Variants in TRIB1 observed in about 807,000 individuals in gnomAD.
TRIB1 encodes tribbles pseudokinase 1, also known as tribbles homolog 1.
TRIB1 carries 12 observed loss-of-function variants against 27.8 expected under a neutral mutation model. The ratio of observed to expected loss-of-function variants is 0.43; its 90% CI spans 0.28 to 0.70. TRIB1 has a LOEUF of 0.70. Ranked by LOEUF, TRIB1 falls within the 30% of genes least tolerant of loss-of-function variation. The pLI is 0.18. For synonymous variants in TRIB1, 230 were observed against 224.9 expected (o/e 1.02, Z -0.20); for missense variants, 475 against 515.8 (o/e 0.92, Z 0.77).
chr8:125,433,908 G>T lies in TRIB1; in HGVS notation c.653+299G>T. 1 of 401,162 alleles carries T rather than the reference G, an allele frequency of 2.5e-6. No homozygotes were observed. The highest frequency in any genetic ancestry group is 4.6e-6 in the Non-Finnish European group (1 of 219,680). The allele number at this position is 401,162 out of a possible 1,614,324, so 24.9% of individuals were successfully genotyped here. A position where few individuals can be genotyped will look rare whatever the true frequency, so the allele number is the denominator to read the frequency against. ...CCCATTGTTGTCAGAAAGGTCAGTT[G>T]TCTGGGGTACAAATATTAAACTGCC... On this transcript the variant is annotated intron_variant, in intron 2 of 2. Transcript: ENST00000311922. The surrounding 1 kb of genome is among the most constrained non-coding windows in gnomAD (Gnocchi z 4.4).
Position 125,431,175 on chromosome 8 carries a change from C to A in TRIB1, c.273C>A (p.Ile91=). 7.7e-7 allele frequency: 1 copy of A among 1,296,984 alleles called. No homozygotes were observed. The highest frequency in any genetic ancestry group is 1.5e-5 in the African/African-American group (1 of 64,828). The allele number at this position is 1,296,984 out of a possible 1,614,324, so 80.3% of individuals were successfully genotyped here. A position where few individuals can be genotyped will look rare whatever the true frequency, so the allele number is the denominator to read the frequency against. The change falls in exon 1 of 3, where the codon ATC becomes ATA. Residue 91 remains isoleucine, a synonymous_variant. Transcript: ENST00000311922. ...GSGSAPGPSR[I]ADYLLLPLAE... ...GGAGCGCGCCGGGGCCCAGCCGCAT[C>A]GCCGACTACCTGCTGCTGCCCCTAG...
rs1042479152 is a variant in TRIB1, at chr8:125,433,820, T to A, written c.653+211T>A. 8.0e-5 allele frequency: 45 copies of A among 565,548 alleles called. No individual in the cohort carries two copies. Among genetic ancestry groups the A allele is most frequent in the Non-Finnish European group, 1.3e-4 (42 of 321,830 alleles). The allele number at this position is 565,548 out of a possible 1,614,324, so 35.0% of individuals were successfully genotyped here. A position where few individuals can be genotyped will look rare whatever the true frequency, so the allele number is the denominator to read the frequency against. ...CGGGGCCTGGGGACACCGTGGCGCT[T>A]CTATGGGATGGCAAGTGTTGACAGG... is the stretch of plus-strand genomic sequence containing the variant. On this transcript the variant is annotated intron_variant, in intron 2 of 2. Transcript: ENST00000311922. This position sits in a 1 kb window ranked among gnomAD's most constrained non-coding sequence, Gnocchi z 4.4.
rs1356142086 is a variant in TRIB1 at position 125,430,597 on chromosome 8, A to G, written c.-306A>G. The stretch of plus-strand genomic sequence containing the variant: ...CGCCGCCGCCTCTGCCTCCCGGACT[A>G]TCGGCAGCCTCGGCAACAATAGTGG... On this transcript the variant is annotated 5_prime_UTR_variant, in exon 1 of 3. Transcript: ENST00000311922. 7 of 282,848 alleles carry G rather than the reference A, an allele frequency of 2.5e-5. No homozygotes were observed. The highest frequency in any genetic ancestry group is 4.6e-5 in the Non-Finnish European group (7 of 150,900). 17.5% of individuals were successfully genotyped at this position (282,848 alleles called of 1,614,324 possible). A position where few individuals can be genotyped will look rare whatever the true frequency, so the allele number is the denominator to read the frequency against.
intron 2 of TRIB1, 31 bp from the exon 3 acceptor site, chr8:125,435,975 G>A: frequency 6.3e-7 from 1 of 1,582,994 alleles, no homozygotes; most frequent in African/African-American, 1.4e-5. Context: ...AGCTGGTGTG[G>A]AAATAATGGC....
rs376927073 is a variant in TRIB1 at position 125,436,398 on chromosome 8, C to T, written c.1046C>T (p.Ser349Leu). The T allele has an allele frequency of 3.9e-5, 63 of 1,613,832 alleles. No individual in the cohort carries two copies. The highest frequency in any genetic ancestry group is 8.3e-5 in the Admixed American group (5 of 59,968). Residue 349 changes from serine to leucine, a missense_variant, in exon 3 of 3, where the codon TCA becomes TTA. Coordinates refer to ENST00000311922, the MANE Select transcript of TRIB1 (RefSeq NM_025195.4). ...GTCTTGGAACCCGGGTACATCGACT[C>T]AGAAATAGGAACTTCAGACCAGATT... Reference protein sequence around the residue: ...ESVLEPGYIDSEIGTSDQIVP... With the variant: ...ESVLEPGYIDLEIGTSDQIVP...
At chr8:125,435,940 T>A (rs1018371422) in intron 2 of TRIB1, 66 bp from the exon 3 acceptor site, 1 of 1,410,500 alleles carries the variant, frequency 7.1e-7, no homozygotes, top group African/African-American at 1.4e-5. Flanking sequence ...GGCGCTGTTA[T>A]TGGGAAGGCT....
At position 125,436,699 on chromosome 8, in the gene TRIB1, T is replaced by G; in HGVS notation, c.*228T>G. On this transcript the variant is annotated 3_prime_UTR_variant, in exon 3 of 3. Transcript: ENST00000311922. ...CAAATTTGTTTCCCTTAAGGAACCC[T>G]CACCAACTATCTCTGCTGGATTTGG... is the stretch of plus-strand genomic sequence containing the variant. 1 of 582,144 alleles carries G rather than the reference T, an allele frequency of 1.7e-6. No homozygotes were observed. The highest frequency in any genetic ancestry group is 3.0e-6 in the Non-Finnish European group (1 of 328,178). 36.1% of individuals were successfully genotyped at this position (582,144 alleles called of 1,614,324 possible).
rs150909783 is a variant in TRIB1, at chr8:125,433,487, G to T, written c.531G>T (p.Leu177=). The change falls in exon 2 of 3, where the codon CTG becomes CTT. Residue 177 remains leucine (L), a synonymous_variant. Transcript: ENST00000311922. The surrounding 1 kb of genome is among the most constrained non-coding windows in gnomAD (Gnocchi z 4.4). ...MHSYVRSRKR[L]REEEAARLFK... ...CCTATGTGCGAAGCCGGAAGAGGCT[G>T]CGGGAAGAGGAAGCCGCCCGGCTCT... The T allele has an allele frequency of 1.2e-5, 19 of 1,614,236 alleles. No homozygotes were observed. The highest frequency in any genetic ancestry group is 2.7e-5 in the African/African-American group (2 of 75,064).
Position 125,433,547 on chromosome 8 carries a change from C to G in TRIB1, c.591C>G (p.His197Gln). The change falls in exon 2 of 3, where the codon CAC becomes CAG. Residue 197 changes from histidine (H) to glutamine (Q), a missense_variant. Physicochemically the swap from His to Gln is conservative, Grantham distance 24 (BLOSUM62 0). Transcript: ENST00000311922. The surrounding 1 kb of genome is among the most constrained non-coding windows in gnomAD (Gnocchi z 4.4). ...KQIVSAVAHC[H>Q]QSAIVLGDLK... ...TTGTCTCCGCCGTCGCCCACTGCCA[C>G]CAGTCAGCCATCGTGCTGGGGGACC... The G allele has an allele frequency of 6.2e-7, 1 of 1,613,772 alleles. No homozygotes were observed. The highest frequency in any genetic ancestry group is 8.5e-7 in the Non-Finnish European group (1 of 1,179,738).
intron 1 of TRIB1, chr8:125,432,267 G>GAA (rs71295858): frequency 0.35 from 329,829 of 952,646 alleles, 44,437 homozygotes; most frequent in Admixed American, 0.45. Flanking sequence ...TAATAGGGAG[G>GAA]AAAAAAAAAC....
Position 125,436,549 on chromosome 8 carries a change from G to C in TRIB1, c.*78G>C. On this transcript the variant is annotated 3_prime_UTR_variant, in exon 3 of 3. Transcript: ENST00000311922. The stretch of plus-strand genomic sequence containing the variant: ...TAAAGATGGACAGGCCCTTTGGCGT[G>C]GTACCAACCAGATAATGACTGCATC... 2.9e-6 allele frequency: 4 copies of C among 1,377,756 alleles called. No homozygotes were observed. The South Asian group carries it at 5.2e-5, about 18-fold the overall frequency. 85.3% of individuals were successfully genotyped at this position (1,377,756 alleles called of 1,614,324 possible).
chr8:125,436,364 T>G lies in TRIB1; in HGVS notation c.1012T>G (p.Phe338Val). The change falls in exon 3 of 3, where the codon TTT (phenylalanine) becomes GTT (valine). Residue 338 changes from phenylalanine to valine, a missense_variant. Transcript: ENST00000311922. ...TAPEILLHPW[F>V]ESVLEPGYID... is the part of the protein sequence containing the mutation. ...CCCCGAGATCCTACTGCACCCCTGGTTTGAGTCCGTCTTGGAACCCGGGTA... is the reference window on the plus strand; with the variant it reads ...CCCCGAGATCCTACTGCACCCCTGGGTTGAGTCCGTCTTGGAACCCGGGTA... 3 of 1,613,026 alleles carry G rather than the reference T, an allele frequency of 1.9e-6. No individual in the cohort carries two copies. The highest frequency in any genetic ancestry group is 2.5e-6 in the Non-Finnish European group (3 of 1,179,762).
intron 1 of TRIB1, chr8:125,432,267 G>GA (rs71295858): frequency 0.014 from 13,478 of 955,396 alleles, 450 homozygotes; most frequent in African/African-American, 0.12. Context: ...TAATAGGGAG[G>GA]AAAAAAAAAC....
intron 1 of TRIB1, among the ~76,000 whole-genome samples, chr8:125,431,518 T>C (rs1814656824): frequency 6.6e-6 from 1 of 152,220 alleles, no homozygotes; most frequent in Admixed American, 6.5e-5. Context: ...CAGCGCCCAG[T>C]GTAGCGCGTG....
rs1419735942 is a variant in TRIB1 at position 125,433,649 on chromosome 8, C to T, written c.653+40C>T. The T allele has an allele frequency of 6.3e-7, 1 of 1,587,446 alleles. No individual in the cohort carries two copies. The highest frequency in any genetic ancestry group is 8.6e-7 in the Non-Finnish European group (1 of 1,163,178). On this transcript the variant is annotated intron_variant, in intron 2 of 2. Transcript: ENST00000311922. This position sits in a 1 kb window ranked among gnomAD's most constrained non-coding sequence, Gnocchi z 4.4. ...CAGCTTCTCCTGTGGCCTTTTGGAA[C>T]CAAAGCGGAGGTGCAGGTCATGTAG... is the stretch of plus-strand genomic sequence containing the variant.
At chr8:125,435,709 G>A (rs187594361) in intron 2 of TRIB1, among the ~76,000 whole-genome samples, 33 of 152,202 alleles carry the variant, frequency 2.2e-4, no homozygotes, top group African/African-American at 5.8e-4. Flanking sequence ...AGTAAATTGC[G>A]TAACTCCTAT....
At position 125,431,125 on chromosome 8, in the gene TRIB1, G is replaced by T. The variant is rs1814648051; in HGVS notation, c.223G>T (p.Ala75Ser). 2 of 1,319,360 alleles carry T rather than the reference G, an allele frequency of 1.5e-6. No homozygotes were observed. The highest frequency in any genetic ancestry group is 4.1e-5 in the Admixed American group (1 of 24,222). 81.7% of individuals were successfully genotyped at this position (1,319,360 alleles called of 1,614,324 possible). ...SPCSPQPPPA[A>S]PGAGGGSGSA... ...CTGCAGCCCGCAGCCCCCGCCTGCC[G>T]CTCCGGGGGCCGGCGGAGGCTCCGG... is the stretch of plus-strand genomic sequence containing the variant. Residue 75 changes from alanine to serine, a missense_variant, in exon 1 of 3, where the codon GCT becomes TCT. Ala to Ser is a moderately conservative substitution (Grantham distance 99, BLOSUM62 1). Coordinates refer to ENST00000311922, the MANE Select transcript of TRIB1 (RefSeq NM_025195.4).
In TRIB1 at chr8:125,433,302, C is replaced by T. The variant is rs2235109; in HGVS notation, c.361-15C>T. 3,617 of 1,602,412 alleles carry T rather than the reference C, an allele frequency of 2.3e-3. 71 individuals are homozygous for T. In the African/African-American group the frequency reaches 0.039, roughly 17 times the overall value. ...CTTTTCTAGCCCCCTAAACGGGCCC[C>T]CCTTCTCTCTACAGGTGTTTCCCAT... On this transcript the variant is annotated splice_polypyrimidine_tract_variant and intron_variant, in intron 1 of 2. Coordinates refer to ENST00000311922, the MANE Select transcript of TRIB1 (RefSeq NM_025195.4). This position sits in a 1 kb window ranked among gnomAD's most constrained non-coding sequence, Gnocchi z 4.4.
In TRIB1 at chr8:125,436,244, C is replaced by A. The variant is rs55953723; in HGVS notation, c.892C>A (p.Arg298Ser). 5 of 1,614,090 alleles carry A rather than the reference C, an allele frequency of 3.1e-6. No individual in the cohort carries two copies. Among genetic ancestry groups the A allele is most frequent in the Non-Finnish European group, 4.2e-6 (5 of 1,180,026 alleles). Residue 298 changes from arginine to serine, a missense_variant, in exon 3 of 3, where the codon CGT becomes AGT. Arg to Ser is a moderately radical substitution (Grantham distance 110). Transcript: ENST00000311922. The part of the protein sequence containing the change: ...DPSALFSKIR[R>S]GQFCIPEHIS... ...CAGTGCCCTTTTCTCCAAAATTCGG[C>A]GTGGACAGTTCTGCATTCCTGAGCA...
Sources: gnomAD v4.1 joint callset for allele counts (sites outside exome capture counted in the v4.1 genomes callset) on GRCh38, gnomAD v4.1.1 for gene constraint, Gnocchi (gnomAD v3.1) non-coding constraint, MANE v1.5 for transcripts, NCBI Gene and HGNC (gene_info 2026-07-23, HGNC 2026-07-21) for gene names.